IDE: variants seen among roughly 807,000 people sequenced by gnomAD.
IDE encodes the protein insulin-degrading enzyme.
A neutral mutation model predicts 133.2 loss-of-function variants in IDE; 58 were observed. The observed-to-expected ratio is 0.44, with a 90% CI of 0.35 to 0.54. IDE has a LOEUF of 0.54. IDE is among the 20% of genes least tolerant of loss of function. IDE has a pLI of 0.00. For synonymous variants in IDE, 396 were observed against 421.3 expected (o/e 0.94, Z 0.73); for missense variants, 981 against 1,234.0 (o/e 0.79, Z 3.07).
intron 12 of IDE, 92 bp downstream of exon 12, chr10:92,490,401 C>G (rs1215401191): frequency 1.3e-5 from 10 of 791,678 alleles, no homozygotes; most frequent in Non-Finnish European, 2.0e-5. Flanking sequence ...CATCAGTCTT[C>G]CACACTCTGG....
intron 7 of IDE, 116 bp from the exon 8 acceptor site, chr10:92,508,321 CGAAAAGATTGG>C: frequency 2.5e-6 from 2 of 802,290 alleles, no homozygotes; most frequent in Non-Finnish European, 4.1e-6. Flanking sequence ...GAACCTCTTG[CGAAAAGATTGG>C]GAAAAAAAAA....
rs568273156 is a variant in IDE at position 92,527,740 on chromosome 10, G to A, written c.661+4008C>T. Reference sequence around the variant, plus strand: ...GATTATTGATACAAGAACATGGCCGGGCACGGTGGCTAATGCCTGTAATCC... The same window carrying A: ...GATTATTGATACAAGAACATGGCCGAGCACGGTGGCTAATGCCTGTAATCC... On this transcript the variant is annotated intron_variant, in intron 4 of 24. Transcript: ENST00000265986. Among the ~76,000 whole-genome samples, 3 of 152,282 alleles carry A rather than the reference G, an allele frequency of 2.0e-5. No homozygotes were observed. The South Asian group carries it at 6.2e-4, about 32-fold the overall frequency.
At chr10:92,472,960 T>A (rs1264918830) in intron 17 of IDE, among the ~76,000 whole-genome samples, 3 of 144,442 alleles carry the variant, frequency 2.1e-5, no homozygotes, top group Non-Finnish European at 3.0e-5. Flanking sequence ...TTTTTTTTTT[T>A]AGACAAGAGT....
Position 92,461,261 on chromosome 10 carries a change from G to T in IDE, c.2762-9C>A, listed in dbSNP as rs201354702. 3.4e-5 allele frequency: 46 copies of T among 1,353,842 alleles called. No individual in the cohort carries two copies. In the East Asian group the frequency reaches 8.5e-4, roughly 25 times the overall value. 83.9% of individuals were successfully genotyped at this position (1,353,842 alleles called of 1,614,324 possible). ...TGCAACCTCAGTGTTATCTGAAAAAGTAATCAAACAATATTTTACTAACAT... is the reference window on the plus strand; with the variant it reads ...TGCAACCTCAGTGTTATCTGAAAAATTAATCAAACAATATTTTACTAACAT... On this transcript the variant is annotated splice_polypyrimidine_tract_variant and intron_variant, in intron 21 of 24. Transcript: ENST00000265986.
intron 1 of IDE, among the ~76,000 whole-genome samples, chr10:92,558,167 C>T (rs184207962): frequency 1.3e-5 from 2 of 152,286 alleles, no homozygotes; most frequent in Admixed American, 6.5e-5. Context: ...ATTCTCCTGT[C>T]TCAGTCTCCT....
At chr10:92,560,780 C>T (rs1321125326) in intron 1 of IDE, among the ~76,000 whole-genome samples, 2 of 149,618 alleles carry the variant, frequency 1.3e-5, no homozygotes, top group African/African-American at 4.9e-5. Flanking sequence ...GAGACTCCGT[C>T]TCAAAAAAAA....
intron 1 of IDE, among the ~76,000 whole-genome samples, chr10:92,567,444 T>G (rs774778300): frequency 3.3e-5 from 5 of 152,200 alleles, no homozygotes; most frequent in Admixed American, 2.0e-4. Context: ...CACTCTTCTT[T>G]CCTTGTCATT....
At position 92,508,901 on chromosome 10, in the gene IDE, C is replaced by T. The variant is rs745511035; in HGVS notation, c.898-11G>A. ...TATTTTGTAAAGTTGCTGGAGAAAA[C>T]AAATCACAGAGATTAGCTATATACG... On this transcript the variant is annotated splice_polypyrimidine_tract_variant and intron_variant, in intron 6 of 24. Coordinates refer to ENST00000265986, the MANE Select transcript of IDE (RefSeq NM_004969.4). The T allele has an allele frequency of 6.2e-7, 1 of 1,602,744 alleles. No individual in the cohort carries two copies. The highest frequency in any genetic ancestry group is 1.1e-5 in the South Asian group (1 of 90,762).
intron 4 of IDE, among the ~76,000 whole-genome samples, chr10:92,517,258 C>T (rs1848980594): frequency 6.6e-6 from 1 of 152,196 alleles, no homozygotes; most frequent in African/African-American, 2.4e-5. Flanking sequence ...ATTCCTGTCC[C>T]AGAATGCTTA....
intron 20 of IDE, among the ~76,000 whole-genome samples, chr10:92,465,189 C>G (rs1268526450): frequency 6.6e-6 from 1 of 152,168 alleles, no homozygotes; most frequent in Non-Finnish European, 1.5e-5. Context: ...ATTACTGGGG[C>G]TTCTTTGAGC....
chr10:92,569,109 C>T (rs750240964), intron 1 of IDE, among the ~76,000 whole-genome samples: 1 of 152,048 alleles, frequency 6.6e-6, no homozygotes, highest in Non-Finnish European at 1.5e-5. Flanking sequence ...ACCTGTATAA[C>T]AAGGCCTAAA....
At chr10:92,509,562 C>T (rs1331959489) in intron 6 of IDE, among the ~76,000 whole-genome samples, 1 of 151,898 alleles carries the variant, frequency 6.6e-6, no homozygotes, top group Non-Finnish European at 1.5e-5. Context: ...CGCTGCACTC[C>T]AGCCTGGGCA....
intron 23 of IDE, 47 bp from the exon 24 acceptor site, chr10:92,455,690 C>T: frequency 2.0e-6 from 2 of 1,001,116 alleles, no homozygotes; most frequent in Non-Finnish European, 3.0e-6. Flanking sequence ...TTGATACTAT[C>T]ACAAAAGAAC....
chr10:92,481,802 G>A (rs560258919), intron 14 of IDE, among the ~76,000 whole-genome samples: 1 of 152,306 alleles, frequency 6.6e-6, no homozygotes, highest in South Asian at 2.1e-4. Context: ...TAGGAAATGC[G>A]CTAGGCAGTT....
rs532625649 is a variant in IDE at position 92,479,056 on chromosome 10, G to A, written c.1884+221C>T. Among the ~76,000 whole-genome samples, 18 of 151,378 alleles carry A rather than the reference G, an allele frequency of 1.2e-4. No homozygotes were observed. In the East Asian group the frequency reaches 3.3e-3, roughly 28 times the overall value. Reference sequence around the variant, plus strand: ...AAAATATGACATTCTGATGAAAGACGTTTAAAAAAAAAGAAATCAAGGAAA... The same window carrying A: ...AAAATATGACATTCTGATGAAAGACATTTAAAAAAAAAGAAATCAAGGAAA... On this transcript the variant is annotated intron_variant, in intron 15 of 24. Coordinates refer to ENST00000265986, the MANE Select transcript of IDE (RefSeq NM_004969.4).
At chr10:92,491,621 T>A (rs537356748) in intron 11 of IDE, among the ~76,000 whole-genome samples, 6 of 151,014 alleles carry the variant, frequency 4.0e-5, no homozygotes, top group Non-Finnish European at 8.9e-5. Flanking sequence ...TTTTGTTTTT[T>A]TTTTTTGAGT....
intron 11 of IDE, among the ~76,000 whole-genome samples, chr10:92,503,539 A>G (rs888992302): frequency 5.9e-5 from 9 of 152,278 alleles, no homozygotes; most frequent in South Asian, 4.1e-4. Flanking sequence ...TAGGAGTGAC[A>G]ATAGATAGGC....
chr10:92,561,181 G>A (rs1473487377), intron 1 of IDE, among the ~76,000 whole-genome samples: 2 of 150,700 alleles, frequency 1.3e-5, no homozygotes, highest in East Asian at 2.0e-4. Flanking sequence ...ACTTCAACCT[G>A]GGAGGCGGAG....
chr10:92,453,046 T>C lies in IDE; in HGVS notation c.*1398A>G, dbSNP rs1047168727. Reference sequence around the variant, plus strand: ...TGTAAAAACTTAAGATGTGAAAAGGTATGACTTTACAGAAGAAAGTCCTAG... The same window carrying C: ...TGTAAAAACTTAAGATGTGAAAAGGCATGACTTTACAGAAGAAAGTCCTAG... On this transcript the variant is annotated 3_prime_UTR_variant, in exon 25 of 25. Coordinates refer to ENST00000265986, the MANE Select transcript of IDE (RefSeq NM_004969.4). 2 of 152,196 alleles carry C rather than the reference T, an allele frequency of 1.3e-5. No homozygotes were observed. The highest frequency in any genetic ancestry group is 2.9e-5 in the Non-Finnish European group (2 of 68,032). 9.4% of individuals were successfully genotyped at this position (152,196 alleles called of 1,614,324 possible). A position where few individuals can be genotyped will look rare whatever the true frequency, so the allele number is the denominator to read the frequency against.
Sources: gnomAD v4.1 joint callset for allele counts (sites outside exome capture counted in the v4.1 genomes callset) on GRCh38, gnomAD v4.1.1 for gene constraint, MANE v1.5 for transcripts, NCBI Gene and HGNC (gene_info 2026-07-23, HGNC 2026-07-21) for gene names.